GRM8: variants seen among roughly 807,000 people sequenced by gnomAD.
GRM8 encodes metabotropic glutamate receptor 8.
A neutral mutation model predicts 87.2 loss-of-function variants in GRM8; 47 were observed. The ratio of observed to expected loss-of-function variants is 0.54; its 90% CI spans 0.43 to 0.69. The LOEUF is 0.69. GRM8 is among the 30% of genes least tolerant of loss of function. The pLI is 0.00. For synonymous variants in GRM8, 396 were observed against 404.5 expected, an observed-to-expected ratio of 0.98 and a Z score of 0.25; for missense variants, 1,019 against 1,139.2, an observed-to-expected ratio of 0.89 and a Z score of 1.52.
At chr7:126,523,082 G>A (rs1198506704) in intron 9 of GRM8, among the ~76,000 whole-genome samples, 1 of 152,146 alleles carries the variant, frequency 6.6e-6, no homozygotes, top group Non-Finnish European at 1.5e-5. Context: ...CTAAAGAAGA[G>A]GACGTTCAAA....
At chr7:127,077,756 C>T (rs1047691136) in intron 3 of GRM8, among the ~76,000 whole-genome samples, 1 of 152,210 alleles carries the variant, frequency 6.6e-6, no homozygotes, top group African/African-American at 2.4e-5. Flanking sequence ...CTTATTTTTA[C>T]TCTTCTTTCT....
At chr7:127,024,722 T>C (rs978542632) in intron 3 of GRM8, among the ~76,000 whole-genome samples, 2 of 152,076 alleles carry the variant, frequency 1.3e-5, no homozygotes, top group African/African-American at 4.8e-5. Flanking sequence ...ACTGGACTTA[T>C]ATTCCTGGTT....
At chr7:126,520,462 A>T (rs570687835) in intron 9 of GRM8, among the ~76,000 whole-genome samples, 1 of 152,206 alleles carries the variant, frequency 6.6e-6, no homozygotes, top group Admixed American at 6.5e-5. Flanking sequence ...AAGGGCAGAG[A>T]TTAAGAAAGC....
intron 7 of GRM8, among the ~76,000 whole-genome samples, chr7:126,690,120 T>A (rs140730573): frequency 1.3e-5 from 2 of 152,358 alleles, no homozygotes; most frequent in East Asian, 3.9e-4. Flanking sequence ...TGTCACAGGA[T>A]CCTTGGAGTG....
intron 6 of GRM8, among the ~76,000 whole-genome samples, chr7:126,861,798 C>G (rs1310035086): frequency 1.3e-5 from 2 of 151,864 alleles, no homozygotes; most frequent in Non-Finnish European, 2.9e-5. Flanking sequence ...GGAACCTAAT[C>G]TTTTTATTTT....
intron 8 of GRM8, among the ~76,000 whole-genome samples, chr7:126,550,277 G>A (rs1792437350): frequency 6.6e-6 from 1 of 151,884 alleles, no homozygotes; most frequent in Non-Finnish European, 1.5e-5. Flanking sequence ...ACCACGCCTG[G>A]CTAATTTTTG....
chr7:126,842,450 A>G (rs1796365087), intron 6 of GRM8, among the ~76,000 whole-genome samples: 1 of 152,244 alleles, frequency 6.6e-6, no homozygotes, highest in South Asian at 2.1e-4. Flanking sequence ...AAGAATCACT[A>G]CATATTTGTG....
At chr7:127,159,283 A>T (rs529326793) in intron 2 of GRM8, among the ~76,000 whole-genome samples, 1 of 152,230 alleles carries the variant, frequency 6.6e-6, no homozygotes, top group Admixed American at 6.5e-5. Context: ...TGATAATAAG[A>T]TGCAAGGTAA....
At chr7:126,801,486 A>G (rs899478716) in intron 6 of GRM8, among the ~76,000 whole-genome samples, 1 of 152,204 alleles carries the variant, frequency 6.6e-6, no homozygotes, top group Non-Finnish European at 1.5e-5. Context: ...CTTATAATTT[A>G]TTTTGGGTAA....
chr7:126,952,343 T>G (rs1230609677), intron 3 of GRM8, among the ~76,000 whole-genome samples: 1 of 152,066 alleles, frequency 6.6e-6, no homozygotes, highest in Non-Finnish European at 1.5e-5. Flanking sequence ...CTTCCATGGC[T>G]GTAGAATCCC....
chr7:126,965,855 A>C (rs1297187298), intron 3 of GRM8, among the ~76,000 whole-genome samples: 1 of 151,908 alleles, frequency 6.6e-6, no homozygotes, highest in Non-Finnish European at 1.5e-5. Context: ...TTCTCATTAC[A>C]CTTATGCATA....
At chr7:126,591,193 A>G (rs2151042569) in intron 8 of GRM8, among the ~76,000 whole-genome samples, 1 of 152,280 alleles carries the variant, frequency 6.6e-6, no homozygotes, top group East Asian at 1.9e-4. Context: ...AAGACATTCC[A>G]TGTAAATGGA....
At chr7:126,484,172 T>A (rs547788055) in intron 9 of GRM8, among the ~76,000 whole-genome samples, 3 of 152,076 alleles carry the variant, frequency 2.0e-5, no homozygotes, top group African/African-American at 7.2e-5. Flanking sequence ...TCATTTAGCA[T>A]CTCCAAAGCA....
At chr7:126,756,385 A>G (rs139998666) in intron 7 of GRM8, among the ~76,000 whole-genome samples, 6 of 152,240 alleles carry the variant, frequency 3.9e-5, no homozygotes, top group African/African-American at 9.6e-5. Context: ...TACAGTACCA[A>G]AGGCACTATT....
At chr7:126,774,369 A>G (rs528622963) in intron 6 of GRM8, among the ~76,000 whole-genome samples, 22 of 152,304 alleles carry the variant, frequency 1.4e-4, no homozygotes, top group Non-Finnish European at 2.8e-4. Context: ...TCATTATGCT[A>G]TAGTTTCTAA....
chr7:126,874,565 T>G (rs1408005663), intron 6 of GRM8, among the ~76,000 whole-genome samples: 1 of 152,096 alleles, frequency 6.6e-6, no homozygotes, highest in East Asian at 1.9e-4. Context: ...ATTATCTCAT[T>G]TAATCCTCAA....
intron 6 of GRM8, among the ~76,000 whole-genome samples, chr7:126,809,247 C>A (rs1418561034): frequency 6.6e-6 from 1 of 152,140 alleles, no homozygotes; most frequent in Non-Finnish European, 1.5e-5. Context: ...AACTAATTAG[C>A]AATCTTAATT....
intron 6 of GRM8, among the ~76,000 whole-genome samples, chr7:126,797,475 A>G (rs1159333132): frequency 9.2e-5 from 14 of 152,104 alleles, no homozygotes; most frequent in Non-Finnish European, 1.5e-4. Context: ...TTAAAAAATC[A>G]TATTTTGGAT....
intron 8 of GRM8, among the ~76,000 whole-genome samples, chr7:126,587,995 G>A (rs10238505): frequency 0.83 from 125,966 of 152,004 alleles, 52,629 homozygotes; most frequent in East Asian, 0.94. Flanking sequence ...TGACAACTGC[G>A]GTCTCCTCTG....
Sources: allele counts gnomAD v4.1 joint callset (sites outside exome capture counted in the v4.1 genomes callset), GRCh38; gene constraint gnomAD v4.1.1; transcripts MANE v1.5; gene names NCBI Gene and HGNC (gene_info 2026-07-23, HGNC 2026-07-21).